The following PRKAR2A variants were observed in gnomAD, a reference collection of about 807,000 sequenced individuals.
PRKAR2A encodes cAMP-dependent protein kinase type II-alpha regulatory subunit.
Under a neutral mutation model 51.9 loss-of-function variants are expected in PRKAR2A, and 29 were observed. The ratio of observed to expected loss-of-function variants is 0.56; its 90% CI spans 0.42 to 0.76. The LOEUF is 0.76. PRKAR2A is among the 30% of genes least tolerant of loss of function. PRKAR2A has a pLI of 0.00. For synonymous variants in PRKAR2A, 178 were observed against 186.2 expected (o/e 0.96, Z 0.36); for missense variants, 445 against 512.1 (o/e 0.87, Z 1.26).
At chr3:48,797,416 C>T (rs894644245) in intron 2 of PRKAR2A, among the ~76,000 whole-genome samples, 22 of 152,168 alleles carry the variant, frequency 1.4e-4, no homozygotes, top group African/African-American at 5.1e-4. Context: ...TGATCCACCA[C>T]GCCCAGCCCC....
At chr3:48,811,106 G>A (rs2082763536) in intron 1 of PRKAR2A, among the ~76,000 whole-genome samples, 1 of 151,872 alleles carries the variant, frequency 6.6e-6, no homozygotes, top group South Asian at 2.1e-4. Flanking sequence ...GAGCCCAGGA[G>A]GTCGAGGCTG....
intron 9 of PRKAR2A, among the ~76,000 whole-genome samples, chr3:48,755,242 C>T (rs143921188): frequency 0.024 from 3,629 of 151,912 alleles, 72 homozygotes; most frequent in Non-Finnish European, 0.035. Context: ...GTGATCTGCC[C>T]GCCTCAGCCT....
At chr3:48,767,435 T>C (rs1044958245) in intron 6 of PRKAR2A, among the ~76,000 whole-genome samples, 1 of 148,764 alleles carries the variant, frequency 6.7e-6, no homozygotes, top group African/African-American at 2.5e-5. Context: ...GCCGAGATCA[T>C]GCCACTGCAC....
chr3:48,802,865 T>C (rs1302557582), intron 2 of PRKAR2A, among the ~76,000 whole-genome samples: 4 of 152,200 alleles, frequency 2.6e-5, no homozygotes, highest in African/African-American at 4.8e-5. Flanking sequence ...GCTGAAAGAA[T>C]TGAGTTAAAA....
chr3:48,819,258 C>T (rs1048849131), intron 1 of PRKAR2A, among the ~76,000 whole-genome samples: 5 of 152,196 alleles, frequency 3.3e-5, no homozygotes, highest in Non-Finnish European at 7.3e-5. Flanking sequence ...TCAGGTGATC[C>T]GCCAGCCTTG....
rs567193410 is a variant in PRKAR2A at position 48,826,369 on chromosome 3, G to A, written c.263-18685C>T. ...TTACAATTATAGTTTTATTATAAAGGATACAAATTTGGGCCAGTGAAATGA... is the reference window on the plus strand; with the variant it reads ...TTACAATTATAGTTTTATTATAAAGAATACAAATTTGGGCCAGTGAAATGA... On this transcript the variant is annotated intron_variant, in intron 1 of 10. Transcript: ENST00000265563. 7.6e-4 allele frequency among the ~76,000 whole-genome samples: 115 copies of A among 152,246 alleles called. 1 individual carries two copies. Among genetic ancestry groups the A allele is most frequent in the African/African-American group, 2.5e-3 (105 of 41,540 alleles).
intron 2 of PRKAR2A, among the ~76,000 whole-genome samples, chr3:48,807,087 A>G (rs1250416440): frequency 6.6e-6 from 1 of 152,106 alleles, no homozygotes; most frequent in Admixed American, 6.6e-5. Flanking sequence ...CATTTTTTTA[A>G]CAACCAAAAG....
chr3:48,792,325 A>G (rs1211257022), intron 3 of PRKAR2A, among the ~76,000 whole-genome samples: 2 of 150,402 alleles, frequency 1.3e-5, no homozygotes, highest in Non-Finnish European at 3.0e-5. Flanking sequence ...TATTTTCAGT[A>G]GAGATGGGGT....
chr3:48,824,104 G>C (rs2083017057), intron 1 of PRKAR2A, among the ~76,000 whole-genome samples: 1 of 152,110 alleles, frequency 6.6e-6, no homozygotes, highest in Admixed American at 6.6e-5. Flanking sequence ...AGCCAGGCGT[G>C]GTGGCAGGCA....
At position 48,765,613 on chromosome 3, in the gene PRKAR2A, C is replaced by G. The variant is rs1030951060; in HGVS notation, c.697-264G>C. ...AAATAGAACCCAAAACAGAAAACAC[C>G]TAAACATTTATGAGCTCACTGTCAC... On this transcript the variant is annotated intron_variant, in intron 6 of 10. Coordinates refer to ENST00000265563, the MANE Select transcript of PRKAR2A (RefSeq NM_004157.4). Among the ~76,000 whole-genome samples the G allele has an allele frequency of 6.8e-5, 10 of 147,150 alleles. 1 individual carries two copies. The highest frequency in any genetic ancestry group is 2.5e-4 in the African/African-American group (10 of 40,116).
chr3:48,841,857 C>G (rs2083386092), intron 1 of PRKAR2A, among the ~76,000 whole-genome samples: 1 of 151,892 alleles, frequency 6.6e-6, no homozygotes. Flanking sequence ...TGTAGCGCAG[C>G]CACCTGAGAC....
chr3:48,813,642 C>T (rs1193571453), intron 1 of PRKAR2A, among the ~76,000 whole-genome samples: 4 of 151,422 alleles, frequency 2.6e-5, no homozygotes, highest in Non-Finnish European at 5.9e-5. Context: ...TGCAGTGAGC[C>T]GAGATTGTGC....
chr3:48,766,159 G>A (rs2081937826), intron 6 of PRKAR2A, among the ~76,000 whole-genome samples: 1 of 151,956 alleles, frequency 6.6e-6, no homozygotes, highest in South Asian at 2.1e-4. Context: ...CAAAGCTGCA[G>A]TGAGTTGTGA....
chr3:48,775,491 C>T (rs941199135), intron 5 of PRKAR2A, among the ~76,000 whole-genome samples: 10 of 148,820 alleles, frequency 6.7e-5, no homozygotes, highest in African/African-American at 2.2e-4. Context: ...ATCTATTGAT[C>T]GGCAATAATG....
chr3:48,773,173 G>T, intron 5 of PRKAR2A, 65 bp from the exon 6 acceptor site: 2 of 1,297,748 alleles, frequency 1.5e-6, no homozygotes, highest in Non-Finnish European at 2.1e-6. Flanking sequence ...GAACTGGCAG[G>T]TACATATAAT....
At chr3:48,822,210 C>CAAA (rs34189728) in intron 1 of PRKAR2A, among the ~76,000 whole-genome samples, 32 of 108,974 alleles carry the variant, frequency 2.9e-4, no homozygotes, top group Admixed American at 9.1e-4. Context: ...GATTCTGTCT[C>CAAA]AAAAAAAAAA....
intron 1 of PRKAR2A, among the ~76,000 whole-genome samples, chr3:48,809,595 CAAAAAA>C (rs57623385): frequency 2.0e-5 from 1 of 49,350 alleles, no homozygotes; most frequent in East Asian, 7.1e-4. Flanking sequence ...GACTCCATCT[CAAAAAA>C]AAAAAAAAAA....
At chr3:48,820,700 G>A (rs1028709806) in intron 1 of PRKAR2A, among the ~76,000 whole-genome samples, 1 of 152,170 alleles carries the variant, frequency 6.6e-6, no homozygotes, top group African/African-American at 2.4e-5. Flanking sequence ...ACCTCATAGG[G>A]TTGCTGCTGT....
At position 48,844,784 on chromosome 3, in the gene PRKAR2A, C is replaced by T. The variant is rs1176644021; in HGVS notation, c.262+2551G>A. 7.6e-5 allele frequency among the ~76,000 whole-genome samples: 11 copies of T among 144,110 alleles called. No homozygotes were observed. In the Admixed American group the frequency reaches 8.2e-4, roughly 11 times the overall value. The allele number at this position is 144,110 out of a possible 152,430, so 94.5% of individuals were successfully genotyped here. A position where few individuals can be genotyped will look rare whatever the true frequency, so the allele number is the denominator to read the frequency against. Reference sequence around the variant, plus strand: ...TTCTCACTCACAGATGGGAATTGAACAATGAGAACACATGGACACAGGAAG... The same window carrying T: ...TTCTCACTCACAGATGGGAATTGAATAATGAGAACACATGGACACAGGAAG... On this transcript the variant is annotated intron_variant, in intron 1 of 10. Coordinates refer to ENST00000265563, the MANE Select transcript of PRKAR2A (RefSeq NM_004157.4).
Sources: gnomAD v4.1 joint callset for allele counts (sites outside exome capture counted in the v4.1 genomes callset) on GRCh38, gnomAD v4.1.1 for gene constraint, MANE v1.5 for transcripts, NCBI Gene and HGNC (gene_info 2026-07-23, HGNC 2026-07-21) for gene names.